Variants in GAPDHS observed in about 807,000 individuals in gnomAD.
GAPDHS encodes glyceraldehyde-3-phosphate dehydrogenase, spermatogenic.
Under a neutral mutation model 48.7 loss-of-function variants are expected in GAPDHS, and 42 were observed. The ratio of observed to expected loss-of-function variants is 0.86; its 90% CI spans 0.67 to 1.12. GAPDHS has a LOEUF of 1.12. Ranked by LOEUF, GAPDHS falls within the 50% of genes most tolerant of loss-of-function variation. The pLI is 0.00. For missense variants in GAPDHS, 512 were observed against 557.7 expected (o/e 0.92, Z 0.82); for synonymous variants, 166 against 219.1 (o/e 0.76, Z 2.14).
intron 1 of GAPDHS, 42 bp from the exon 2 acceptor site, chr19:35,536,771 T>C: frequency 1.3e-6 from 2 of 1,511,256 alleles, no homozygotes; most frequent in Non-Finnish European, 1.8e-6. Context: ...TCTCTTTCAC[T>C]TTGGTGGTCA....
Position 35,536,902 on chromosome 19 carries a change from C to G in GAPDHS, c.157C>G (p.Pro53Ala). The change falls in exon 2 of 11, where the codon CCA becomes GCA. Residue 53 changes from proline to alanine, a missense_variant. Coordinates refer to ENST00000222286, the MANE Select transcript of GAPDHS (RefSeq NM_014364.5). ...EPTPVREEIKPPPPPLPPHPA... is the reference protein window; with the variant it reads ...EPTPVREEIKAPPPPLPPHPA... ...CACACCAGTCAGGGAGGAAATAAAG[C>G]CACCACCGCCACCACTGCCTCCTCA... 1 of 1,614,010 alleles carries G rather than the reference C, an allele frequency of 6.2e-7. No homozygotes were observed. The highest frequency in any genetic ancestry group is 1.1e-5 in the South Asian group (1 of 91,072).
intron 1 of GAPDHS, among the ~76,000 whole-genome samples, chr19:35,536,357 A>G (rs1264840085): frequency 6.6e-6 from 1 of 151,964 alleles, no homozygotes; most frequent in Non-Finnish European, 1.5e-5. Flanking sequence ...AGGCGGGTGG[A>G]TCACCTAAGG....
At chr19:35,538,116 C>T (rs565988496) in intron 2 of GAPDHS, among the ~76,000 whole-genome samples, 191 bp from the exon 3 acceptor site, 5 of 152,006 alleles carry the variant, frequency 3.3e-5, no homozygotes, top group East Asian at 1.9e-4. Flanking sequence ...GGTTAGGGAA[C>T]GGATTGGGAG....
chr19:35,537,038 C>G, intron 2 of GAPDHS, 48 bp downstream of exon 2: 8 of 1,457,726 alleles, frequency 5.5e-6, no homozygotes, highest in Non-Finnish European at 7.5e-6. Context: ...AGAGCCCAGC[C>G]CCTCCTCTGG....
intron 1 of GAPDHS, among the ~76,000 whole-genome samples, chr19:35,535,857 C>T (rs1420771328): frequency 1.3e-5 from 2 of 151,794 alleles, no homozygotes; most frequent in African/African-American, 4.8e-5. Flanking sequence ...GCACCCTCCG[C>T]CTCCCAGGTT....
At chr19:35,544,037 A>AG in intron 9 of GAPDHS, 1 of 854,002 alleles carries the variant, frequency 1.2e-6, no homozygotes, top group Non-Finnish European at 1.7e-6. Context: ...TACTTCCTCC[A>AG]AGTCTCTGGA....
chr19:35,538,497 G>A (rs968207495), intron 3 of GAPDHS, 80 bp from the exon 4 acceptor site: 19 of 1,264,192 alleles, frequency 1.5e-5, no homozygotes, highest in Non-Finnish European at 2.0e-5. Flanking sequence ...GCTGTAATGT[G>A]AGACCTTCAC....
chr19:35,542,497 T>C lies in GAPDHS; in HGVS notation c.548T>C (p.Ile183Thr), dbSNP rs761754429. 26 of 1,613,114 alleles carry C rather than the reference T, an allele frequency of 1.6e-5. No individual in the cohort carries two copies. In the East Asian group the frequency reaches 4.2e-4, roughly 26 times the overall value. The change falls in exon 6 of 11, where the codon ATC becomes ACC. Residue 183 changes from isoleucine to threonine, a missense_variant. Transcript: ENST00000222286. ...CCTGCGCTTCCTCCCCAGGACCACA[T>C]CTCTGCAGGTGCTCAACGTGTGGTC... ...YLSIQAASDH[I>T]SAGAQRVVIS...
intron 4 of GAPDHS, among the ~76,000 whole-genome samples, chr19:35,539,866 G>T (rs1020167839): frequency 6.6e-6 from 1 of 152,252 alleles, no homozygotes; most frequent in Non-Finnish European, 1.5e-5. Flanking sequence ...CACCATTACC[G>T]CCACTTGGAG....
intron 1 of GAPDHS, among the ~76,000 whole-genome samples, chr19:35,534,191 G>A (rs1468923165): frequency 4.6e-5 from 7 of 151,804 alleles, no homozygotes; most frequent in Admixed American, 2.6e-4. Flanking sequence ...GCCCGCGCGC[G>A]CGCACACACA....
intron 6 of GAPDHS, 50 bp downstream of exon 6, chr19:35,542,658 G>C: frequency 3.3e-6 from 4 of 1,221,170 alleles, no homozygotes; most frequent in Non-Finnish European, 4.8e-6. Flanking sequence ...GGGTAGACTC[G>C]TCCTCCCCAC....
rs201160365 is a variant in GAPDHS at position 35,545,174 on chromosome 19, G to C, written c.*4G>C. ...CATGTTCAGCCGAGACAAGTGAAACGGGAAGGTCCTTTCTTTCCTTCCCAG... is the reference window on the plus strand; with the variant it reads ...CATGTTCAGCCGAGACAAGTGAAACCGGAAGGTCCTTTCTTTCCTTCCCAG... On this transcript the variant is annotated 3_prime_UTR_variant, in exon 11 of 11. Coordinates refer to ENST00000222286, the MANE Select transcript of GAPDHS (RefSeq NM_014364.5). 262 of 1,611,054 alleles carry C rather than the reference G, an allele frequency of 1.6e-4. No individual in the cohort carries two copies. In the African/African-American group the frequency reaches 3.2e-3, roughly 20 times the overall value.
At chr19:35,543,582 G>A in intron 8 of GAPDHS, 83 bp from the exon 9 acceptor site, 1 of 1,578,680 alleles carries the variant, frequency 6.3e-7, no homozygotes, top group Non-Finnish European at 8.6e-7. Context: ...GAAAGCAGGG[G>A]CCTGGCCCAG....
chr19:35,537,056 C>T (rs2071470794), intron 2 of GAPDHS, 66 bp downstream of exon 2: 1 of 1,301,668 alleles, frequency 7.7e-7, no homozygotes, highest in Non-Finnish European at 1.1e-6. Context: ...TGGCTGCTAA[C>T]TGGGGGCACC....
At chr19:35,536,706 T>G in intron 1 of GAPDHS, 107 bp from the exon 2 acceptor site, 1 of 865,130 alleles carries the variant, frequency 1.2e-6, no homozygotes, top group East Asian at 2.5e-5. Context: ...GCTAAATGGT[T>G]GGTCACGAGG....
Position 35,543,467 on chromosome 19 carries a change from C to A in GAPDHS, c.869C>A (p.Thr290Asn). Residue 290 changes from threonine to asparagine, a missense_variant, in exon 8 of 11, where the codon ACC becomes AAC. Thr to Asn is a moderately conservative substitution (Grantham distance 65, BLOSUM62 0). Transcript: ENST00000222286. ...PASTGAAKAV[T>N]KVIPELKGKL... Reference sequence around the variant, plus strand: ...TCCACTGGGGCTGCGAAAGCTGTGACCAAAGTCATCCCAGAGCTCAAAGGG... The same window carrying A: ...TCCACTGGGGCTGCGAAAGCTGTGAACAAAGTCATCCCAGAGCTCAAAGGG... 1.2e-6 allele frequency: 2 copies of A among 1,605,296 alleles called. No individual in the cohort carries two copies. The highest frequency in any genetic ancestry group is 1.7e-6 in the Non-Finnish European group (2 of 1,177,548).
chr19:35,541,524 G>A (rs1453275821), intron 4 of GAPDHS: 2 of 151,396 alleles, frequency 1.3e-5, no homozygotes, highest in Non-Finnish European at 1.5e-5. Context: ...AATGGCAAAG[G>A]AAACAGACCG....
At chr19:35,536,180 C>A (rs933593410) in intron 1 of GAPDHS, among the ~76,000 whole-genome samples, 11 of 152,124 alleles carry the variant, frequency 7.2e-5, no homozygotes, top group African/African-American at 1.2e-4. Context: ...CATGTATTAC[C>A]TCATTTAATC....
In GAPDHS at chr19:35,545,144, C is replaced by T. The variant is rs771345061; in HGVS notation, c.1201C>T (p.Arg401Cys). 1.9e-6 allele frequency: 3 copies of T among 1,613,922 alleles called. No individual in the cohort carries two copies. The highest frequency in any genetic ancestry group is 4.5e-5 in the East Asian group (2 of 44,882). ...GYSHRVVDLLRYMFSRDK is the reference protein window; with the variant it reads ...GYSHRVVDLLCYMFSRDK The stretch of plus-strand genomic sequence containing the variant: ...CAGTCACCGGGTGGTCGACCTCCTC[C>T]GCTACATGTTCAGCCGAGACAAGTG... The change falls in exon 11 of 11, where the codon CGC becomes TGC. Residue 401 changes from arginine (R) to cysteine (C), a missense_variant. Physicochemically the swap from Arg to Cys is radical, Grantham distance 180 (BLOSUM62 -3). Coordinates refer to ENST00000222286, the MANE Select transcript of GAPDHS (RefSeq NM_014364.5).
Sources: allele counts gnomAD v4.1 joint callset (sites outside exome capture counted in the v4.1 genomes callset), GRCh38; gene constraint gnomAD v4.1.1; transcripts MANE v1.5; gene names NCBI Gene and HGNC (gene_info 2026-07-23, HGNC 2026-07-21).